Variants in FOXP2 observed in about 807,000 individuals in gnomAD.
FOXP2 encodes the protein forkhead box protein P2.
FOXP2 carries 12 observed loss-of-function variants against 115.8 expected under a neutral mutation model. That is an observed-to-expected ratio of 0.10 (90% CI 0.07 to 0.17). The LOEUF is 0.17. FOXP2 is among the 10% of genes least tolerant of loss of function. FOXP2 has a pLI of 1.00. For synonymous variants in FOXP2, 328 were observed against 297.7 expected, an observed-to-expected ratio of 1.10 and a Z score of -1.05; for missense variants, 629 against 843.5, an observed-to-expected ratio of 0.75 and a Z score of 3.15.
intron 6 of FOXP2, among the ~76,000 whole-genome samples, 180 bp from the exon 7 acceptor site, chr7:114,642,230 A>G (rs1331680490): frequency 6.6e-6 from 1 of 152,094 alleles, no homozygotes; most frequent in Non-Finnish European, 1.5e-5. Flanking sequence ...AAAATAAATG[A>G]TTGTTTTTCA....
intron 2 of FOXP2, among the ~76,000 whole-genome samples, chr7:114,512,070 T>C (rs147627217): frequency 0.011 from 1,742 of 152,220 alleles, 29 homozygotes; most frequent in African/African-American, 0.037. Flanking sequence ...TTGATTTTGT[T>C]TTTGTATAAT....
intron 2 of FOXP2, among the ~76,000 whole-genome samples, chr7:114,429,910 A>G (rs1025000344): frequency 6.6e-6 from 1 of 151,678 alleles, no homozygotes; most frequent in Non-Finnish European, 1.5e-5. Flanking sequence ...TAACACCATT[A>G]TCTGTACTTT....
intron 7 of FOXP2, among the ~76,000 whole-genome samples, chr7:114,643,699 G>A (rs1805709936): frequency 6.6e-6 from 1 of 152,064 alleles, no homozygotes; most frequent in South Asian, 2.1e-4. Context: ...AAAGTAATTT[G>A]CATATAGTTC....
At chr7:114,289,411 G>T (rs960523559) in intron 2 of FOXP2, among the ~76,000 whole-genome samples, 4 of 151,846 alleles carry the variant, frequency 2.6e-5, no homozygotes, top group African/African-American at 9.7e-5. Flanking sequence ...ACACATGTCT[G>T]CTAACACTCA....
intron 1 of FOXP2, among the ~76,000 whole-genome samples, chr7:114,089,270 C>A (rs558277905): frequency 6.6e-6 from 1 of 151,826 alleles, no homozygotes; most frequent in Non-Finnish European, 1.5e-5. Flanking sequence ...AAATGACACT[C>A]AATTTAAAAA....
Position 114,439,735 on chromosome 7 carries a change from A to ATGTG in FOXP2, c.168+13070_168+13073dup, listed in dbSNP as rs3997244. 9.5e-3 allele frequency among the ~76,000 whole-genome samples: 1,430 copies of ATGTG among 149,780 alleles called. 23 individuals are homozygous for ATGTG. The highest frequency in any genetic ancestry group is 0.033 in the African/African-American group (1,348 of 40,968). On this transcript the variant is annotated intron_variant, in intron 2 of 16. Coordinates refer to ENST00000350908, the MANE Select transcript of FOXP2 (RefSeq NM_014491.4). ...CCTAATTTTTTTTGTGTGTATATAG[A>ATGTG]TGTGTGTGTGTGTGTGTATGTGGAG... is the stretch of plus-strand genomic sequence containing the variant.
At chr7:114,127,051 A>G (rs1791730046) in intron 1 of FOXP2, among the ~76,000 whole-genome samples, 1 of 152,166 alleles carries the variant, frequency 6.6e-6, no homozygotes, top group Non-Finnish European at 1.5e-5. Flanking sequence ...TCTCATCTGA[A>G]TGCTCAACTG....
chr7:114,512,612 G>C (rs1430619393), intron 2 of FOXP2, among the ~76,000 whole-genome samples: 1 of 152,168 alleles, frequency 6.6e-6, no homozygotes, highest in African/African-American at 2.4e-5. Context: ...GGAGGACAGA[G>C]TGAATAAGGA....
intron 2 of FOXP2, among the ~76,000 whole-genome samples, chr7:114,383,822 C>T (rs1792371428): frequency 6.6e-6 from 1 of 152,132 alleles, no homozygotes; most frequent in African/African-American, 2.4e-5. Context: ...TGCCAGCACC[C>T]CTAGTTATTT....
chr7:114,093,128 A>G (rs1193345844), intron 1 of FOXP2, among the ~76,000 whole-genome samples: 1 of 152,136 alleles, frequency 6.6e-6, no homozygotes, highest in Non-Finnish European at 1.5e-5. Flanking sequence ...TAGATGTTAC[A>G]TAAGGTCTTG....
At chr7:114,667,062 T>C (rs1309106083) in intron 16 of FOXP2, 1 of 152,156 alleles carries the variant, frequency 6.6e-6, no homozygotes, top group Non-Finnish European at 1.5e-5. Context: ...TGGTTAGTCA[T>C]TGACAATCCA....
chr7:114,312,386 T>C lies in FOXP2; in HGVS notation c.-11+24277T>C, dbSNP rs368011132. On this transcript the variant is annotated intron_variant, in intron 2 of 17. Transcript: ENST00000634411. Reference sequence around the variant, plus strand: ...CCTCTAAACATTATCTTAACTCCCATTCATTAGTCCTTATTCACCCCTCAT... The same window carrying C: ...CCTCTAAACATTATCTTAACTCCCACTCATTAGTCCTTATTCACCCCTCAT... 2.0e-5 allele frequency among the ~76,000 whole-genome samples: 3 copies of C among 152,160 alleles called. No individual in the cohort carries two copies. In the East Asian group the frequency reaches 5.8e-4, roughly 29 times the overall value.
chr7:114,236,152 G>A (rs1795003080), intron 1 of FOXP2, among the ~76,000 whole-genome samples: 1 of 152,182 alleles, frequency 6.6e-6, no homozygotes. Flanking sequence ...ATGCCAGTGA[G>A]AGGATAAGAA....
chr7:114,260,084 G>A (rs1343312739), intron 1 of FOXP2, among the ~76,000 whole-genome samples: 1 of 151,786 alleles, frequency 6.6e-6, no homozygotes, highest in Non-Finnish European at 1.5e-5. Context: ...TAAAGACAGA[G>A]TTTCATCATG....
intron 1 of FOXP2, among the ~76,000 whole-genome samples, chr7:114,155,852 T>C (rs1380938357): frequency 1.3e-5 from 2 of 152,106 alleles, no homozygotes; most frequent in Non-Finnish European, 2.9e-5. Flanking sequence ...AGAGATCAAA[T>C]GTGCGGTTTG....
At chr7:114,585,460 C>T (rs1355912719) in intron 3 of FOXP2, among the ~76,000 whole-genome samples, 1 of 151,958 alleles carries the variant, frequency 6.6e-6, no homozygotes, top group African/African-American at 2.4e-5. Flanking sequence ...TGTAGAATCT[C>T]AGTGGGGCCC....
chr7:114,595,597 T>C (rs181842113), intron 3 of FOXP2, among the ~76,000 whole-genome samples: 1 of 152,174 alleles, frequency 6.6e-6, no homozygotes, highest in East Asian at 1.9e-4. Context: ...TAGAGGTAAG[T>C]TGTTTGTAAG....
At chr7:114,383,638 G>C (rs928211058) in intron 2 of FOXP2, among the ~76,000 whole-genome samples, 1 of 152,112 alleles carries the variant, frequency 6.6e-6, no homozygotes, top group Non-Finnish European at 1.5e-5. Context: ...CCCTCAGGAG[G>C]CCAGGTTTCT....
rs535240025 is a variant in FOXP2, at chr7:114,167,304, T to C, written c.-102+4216T>C. ...AAGAGACATGGAAAAACCTTAAATATGTACTGCTAAGTGATTGAAGCTATA... is the reference window on the plus strand; with the variant it reads ...AAGAGACATGGAAAAACCTTAAATACGTACTGCTAAGTGATTGAAGCTATA... On this transcript the variant is annotated intron_variant, in intron 1 of 17. Transcript: ENST00000634411. Among the ~76,000 whole-genome samples, 24 of 152,324 alleles carry C rather than the reference T, an allele frequency of 1.6e-4. No individual in the cohort carries two copies. The South Asian group carries it at 5.0e-3, about 32-fold the overall frequency.
Sources: allele counts gnomAD v4.1 joint callset (sites outside exome capture counted in the v4.1 genomes callset), GRCh38; gene constraint gnomAD v4.1.1; transcripts MANE v1.5; gene names NCBI Gene and HGNC (gene_info 2026-07-23, HGNC 2026-07-21).